The following PCDH11X variants were observed in gnomAD, a reference collection of about 807,000 sequenced individuals.
The protein encoded by PCDH11X is protocadherin-11 X-linked.
PCDH11X carries 18 observed loss-of-function variants against 53.3 expected under a neutral mutation model. The observed-to-expected ratio is 0.34, with a 90% CI of 0.23 to 0.50. The LOEUF (loss-of-function observed/expected upper bound fraction) is 0.50. Among genes scored for constraint, PCDH11X ranks in the 20% least tolerant of loss-of-function variants. The probability of loss-of-function intolerance (pLI) is 0.98; values close to 1 mark genes in which losing one functional copy is unlikely to be tolerated. For missense variants in PCDH11X, 570 were observed against 1,032.4 expected (o/e 0.55, Z 6.14); for synonymous variants, 279 against 393.3 (o/e 0.71, Z 3.44).
At chrX:91,848,324 C>T (rs1226217998) in intron 5 of PCDH11X, among the ~76,000 whole-genome samples, 4 of 110,120 alleles carry the variant, frequency 3.6e-5, no homozygotes, top group Non-Finnish European at 5.7e-5. Context: ...GCCCCAGCCT[C>T]CCGAGTAGCT....
chrX:92,514,475 A>G (rs891970120), intron 10 of PCDH11X, among the ~76,000 whole-genome samples: 3 of 110,125 alleles, frequency 2.7e-5, no homozygotes, highest in African/African-American at 9.9e-5. Flanking sequence ...CACGCCAGTA[A>G]TCCCAGCACT....
intron 10 of PCDH11X, among the ~76,000 whole-genome samples, chrX:92,597,690 A>G: frequency 8.9e-6 from 1 of 111,749 alleles, no homozygotes; most frequent in Non-Finnish European, 1.9e-5. Flanking sequence ...TAAAATTCAT[A>G]TGGGACCACA....
chrX:92,285,774 C>T (rs889262855), intron 8 of PCDH11X, among the ~76,000 whole-genome samples: 129 of 111,412 alleles, frequency 1.2e-3, no homozygotes, highest in Non-Finnish European at 1.9e-3. Flanking sequence ...GAGTTAAAGA[C>T]GCACACACAG....
At chrX:91,860,466 C>T (rs1370499444) in intron 5 of PCDH11X, among the ~76,000 whole-genome samples, 1 of 109,363 alleles carries the variant, frequency 9.1e-6, no homozygotes, top group Non-Finnish European at 1.9e-5. Flanking sequence ...CTTTCTCTTG[C>T]CTGATTGTCC....
chrX:92,362,174 T>C (rs942341898), intron 8 of PCDH11X, among the ~76,000 whole-genome samples: 6 of 109,767 alleles, frequency 5.5e-5, no homozygotes, highest in Non-Finnish European at 9.5e-5. Context: ...TTCTGGATCA[T>C]ATGGTAATTC....
chrX:92,495,215 A>G (rs1347652374), intron 10 of PCDH11X, among the ~76,000 whole-genome samples: 1 of 111,269 alleles, frequency 9.0e-6, no homozygotes, highest in Non-Finnish European at 1.9e-5. Flanking sequence ...AAATCTGCAT[A>G]CCGTCTCTTT....
chrX:92,170,885 G>A (rs1209473800), intron 6 of PCDH11X, among the ~76,000 whole-genome samples: 1 of 86,516 alleles, frequency 1.2e-5, no homozygotes, highest in African/African-American at 4.0e-5. Context: ...TCTCCCTCCC[G>A]AGTTCAAGCA....
intron 7 of PCDH11X, among the ~76,000 whole-genome samples, chrX:92,204,831 G>T (rs2066448297): frequency 8.9e-6 from 1 of 111,934 alleles, no homozygotes; most frequent in Non-Finnish European, 1.9e-5. Flanking sequence ...CTGGGAAGGG[G>T]GCCTCAGGAA....
At chrX:91,854,265 T>C (rs1938196428) in intron 5 of PCDH11X, among the ~76,000 whole-genome samples, 1 of 112,079 alleles carries the variant, frequency 8.9e-6, no homozygotes, top group South Asian at 3.7e-4. Context: ...GAAGTTTCTC[T>C]TTCTGTGCCT....
chrX:91,997,243 T>C (rs954779158), intron 6 of PCDH11X, among the ~76,000 whole-genome samples: 11 of 110,241 alleles, frequency 1.0e-4, no homozygotes, highest in Admixed American at 2.9e-4. Context: ...CAGGGACTTC[T>C]AGTACTATGT....
intron 6 of PCDH11X, among the ~76,000 whole-genome samples, chrX:92,157,235 C>A (rs187541385): frequency 9.0e-6 from 1 of 111,471 alleles, no homozygotes. Context: ...AAACAGTTAC[C>A]TATTAGAGAG....
chrX:91,889,423 A>T (rs2147760626), intron 6 of PCDH11X, among the ~76,000 whole-genome samples: 1 of 110,813 alleles, frequency 9.0e-6, no homozygotes, highest in African/African-American at 3.3e-5. Flanking sequence ...GGTTCAAGAG[A>T]TTCTCCTGTC....
chrX:92,576,158 A>T (rs1922938811), intron 10 of PCDH11X, among the ~76,000 whole-genome samples: 1 of 102,791 alleles, frequency 9.7e-6, no homozygotes, highest in African/African-American at 3.5e-5. Context: ...TTTGTCTCTT[A>T]TAGTTTTTGT....
At chrX:92,583,072 G>T (rs1923899743) in intron 10 of PCDH11X, among the ~76,000 whole-genome samples, 1 of 103,908 alleles carries the variant, frequency 9.6e-6, no homozygotes, top group Admixed American at 1.0e-4. Flanking sequence ...GAAGGGACTT[G>T]CCTTATCTCA....
At chrX:92,349,853 G>T (rs1430050004) in intron 8 of PCDH11X, among the ~76,000 whole-genome samples, 2 of 108,596 alleles carry the variant, frequency 1.8e-5, no homozygotes, top group Non-Finnish European at 3.8e-5. Flanking sequence ...GTGTTCTGAG[G>T]ACGGTAAGGT....
intron 6 of PCDH11X, among the ~76,000 whole-genome samples, chrX:91,911,303 CATTTT>C (rs1203941525): frequency 1.8e-5 from 2 of 108,942 alleles, no homozygotes; most frequent in Non-Finnish European, 3.8e-5. Context: ...AATATCCTAT[CATTTT>C]ATTTTTATTT....
At chrX:91,789,200 C>CAAAAAAAA (rs764959497) in intron 1 of PCDH11X, among the ~76,000 whole-genome samples, 1 of 47,187 alleles carries the variant, frequency 2.1e-5, no homozygotes, top group African/African-American at 6.9e-5. Context: ...GACTCCGTCT[C>CAAAAAAAA]AAAAAAAAAA....
chrX:91,951,848 G>A (rs1349529098), intron 6 of PCDH11X, among the ~76,000 whole-genome samples: 1 of 111,570 alleles, frequency 9.0e-6, no homozygotes, highest in African/African-American at 3.2e-5. Context: ...TAGCACTGGT[G>A]GGTAGGAAAG....
At chrX:92,338,226 G>A (rs902736051) in intron 8 of PCDH11X, among the ~76,000 whole-genome samples, 4 of 111,821 alleles carry the variant, frequency 3.6e-5, no homozygotes, top group Non-Finnish European at 7.5e-5. Flanking sequence ...ACTGTCTTAA[G>A]TAAATGTTAT....
Sources: allele counts gnomAD v4.1 joint callset (sites outside exome capture counted in the v4.1 genomes callset), GRCh38; gene constraint gnomAD v4.1.1; transcripts MANE v1.5; gene names NCBI Gene and HGNC (gene_info 2026-07-23, HGNC 2026-07-21).